The following TP63 variants were observed in gnomAD, a reference collection of about 807,000 sequenced individuals.
TP63 encodes the protein tumor protein 63.
TP63 carries 17 observed loss-of-function variants against 82.8 expected under a neutral mutation model. The observed-to-expected ratio is 0.21, with a 90% CI of 0.14 to 0.31. TP63 has a LOEUF of 0.31. Among genes scored for constraint, TP63 ranks in the 10% least tolerant of loss-of-function variants. The pLI is 1.00. For synonymous variants in TP63, 330 were observed against 321.7 expected (o/e 1.03, Z -0.28); for missense variants, 648 against 895.3 (o/e 0.72, Z 3.52).
intron 4 of TP63, among the ~76,000 whole-genome samples, chr3:189,831,710 A>AAGTG (rs1380435529): frequency 6.6e-6 from 1 of 151,580 alleles, no homozygotes; most frequent in African/African-American, 2.4e-5. Flanking sequence ...GAACACTGTA[A>AAGTG]TTAAAGTGGT....
intron 3 of TP63, among the ~76,000 whole-genome samples, chr3:189,756,900 T>C (rs1479635811): frequency 6.6e-6 from 1 of 152,118 alleles, no homozygotes; most frequent in African/African-American, 2.4e-5. Flanking sequence ...AGAAAGGGAT[T>C]TCAGCAGAAA....
intron 11 of TP63, among the ~76,000 whole-genome samples, chr3:189,886,979 C>T (rs892056244): frequency 8.6e-5 from 13 of 151,894 alleles, no homozygotes; most frequent in East Asian, 7.8e-4. Flanking sequence ...GAGGCCGAGG[C>T]GGGAGGATCA....
chr3:189,768,805 A>G (rs1723130500), intron 3 of TP63, among the ~76,000 whole-genome samples: 1 of 152,146 alleles, frequency 6.6e-6, no homozygotes, highest in Admixed American at 6.5e-5. Context: ...GATTAAATGA[A>G]TGTAACGGAT....
chr3:189,668,369 T>G (rs1405646120), intron 1 of TP63, among the ~76,000 whole-genome samples: 1 of 120,010 alleles, frequency 8.3e-6, no homozygotes, highest in African/African-American at 3.4e-5. Flanking sequence ...AAGGAAACTA[T>G]TGTTCATTTC....
rs552109446 is a variant in TP63 at position 189,805,157 on chromosome 3, A to C, written c.325-3115A>C. 9.9e-5 allele frequency among the ~76,000 whole-genome samples: 15 copies of C among 151,996 alleles called. No individual in the cohort carries two copies. In the South Asian group the frequency reaches 3.1e-3, roughly 32 times the overall value. On this transcript the variant is annotated intron_variant, in intron 3 of 13. Coordinates refer to ENST00000264731, the MANE Select transcript of TP63 (RefSeq NM_003722.5). Reference sequence around the variant, plus strand: ...TTCAGTCTTTCTATCATTCCAAAGGACTCTTGTGACTCCTCAGTAAATGGA... The same window carrying C: ...TTCAGTCTTTCTATCATTCCAAAGGCCTCTTGTGACTCCTCAGTAAATGGA...
At chr3:189,877,091 TC>T (rs1719316291) in intron 10 of TP63, among the ~76,000 whole-genome samples, 1 of 152,240 alleles carries the variant, frequency 6.6e-6, no homozygotes, top group Non-Finnish European at 1.5e-5. Context: ...TAAAAAAATT[TC>T]TTCGCGTTTA....
chr3:189,887,656 A>G (rs1720593649), intron 11 of TP63, among the ~76,000 whole-genome samples: 2 of 152,196 alleles, frequency 1.3e-5, no homozygotes, highest in Non-Finnish European at 2.9e-5. Flanking sequence ...ACCCTCGGGG[A>G]TACAGAAGAC....
At chr3:189,881,514 TTCTG>T in intron 10 of TP63, 1 of 985,358 alleles carries the variant, frequency 1.0e-6, no homozygotes, top group Non-Finnish European at 1.2e-6. Context: ...GTTTTTTTGT[TTCTG>T]TCTCTCTCAC....
intron 4 of TP63, among the ~76,000 whole-genome samples, chr3:189,809,970 T>C (rs1186450879): frequency 6.6e-6 from 1 of 152,232 alleles, no homozygotes; most frequent in Non-Finnish European, 1.5e-5. Flanking sequence ...TTGTATCCTT[T>C]CTTTCAACCA....
intron 3 of TP63, chr3:189,789,592 TA>T: frequency 8.2e-7 from 1 of 1,216,612 alleles, no homozygotes. Context: ...ATTGGACAGG[TA>T]AAGAGAAGAG....
chr3:189,706,538 G>A (rs1186040945), intron 1 of TP63, among the ~76,000 whole-genome samples: 1 of 152,154 alleles, frequency 6.6e-6, no homozygotes, highest in East Asian at 1.9e-4. Context: ...ACAGGTGTGA[G>A]CCACCGTGCC....
intron 6 of TP63, 26 bp downstream of exon 6, chr3:189,866,823 AAAC>A: frequency 6.3e-7 from 1 of 1,583,636 alleles, no homozygotes; most frequent in Non-Finnish European, 8.7e-7. Flanking sequence ...CCAAACCAAA[AAAC>A]AACACCTCTA....
chr3:189,609,099 G>T, the TP63 span, among the ~76,000 whole-genome samples: 1 of 151,988 alleles, frequency 6.6e-6, no homozygotes, highest in African/African-American at 2.4e-5. Context: ...ATTCACAACC[G>T]CTGTGGGCAA....
intron 5 of TP63, among the ~76,000 whole-genome samples, chr3:189,865,563 A>G (rs1024296014): frequency 9.2e-5 from 14 of 152,374 alleles, no homozygotes; most frequent in African/African-American, 3.4e-4. Flanking sequence ...GATACTTTAT[A>G]GAAAAAATAT....
chr3:189,896,886 C>T lies in TP63; in HGVS notation c.*2384C>T, dbSNP rs998558684. On this transcript the variant is annotated 3_prime_UTR_variant, in exon 14 of 14. Transcript: ENST00000264731. The stretch of plus-strand genomic sequence containing the variant: ...TAATGGAGTTCTTGTGGCCTCAGCT[C>T]AATGCAGTTAGCTGAAGAATTGAAA... 14 of 219,686 alleles carry T rather than the reference C, an allele frequency of 6.4e-5. No homozygotes were observed. The highest frequency in any genetic ancestry group is 4.6e-4 in the Admixed American group (8 of 17,330). The allele number at this position is 219,686 out of a possible 1,614,324, so 13.6% of individuals were successfully genotyped here.
chr3:189,794,306 G>C (rs1725468167), intron 3 of TP63, among the ~76,000 whole-genome samples: 1 of 152,000 alleles, frequency 6.6e-6, no homozygotes, highest in South Asian at 2.1e-4. Context: ...GTTCTTTGGG[G>C]GAATGAGCTA....
chr3:189,877,974 C>T (rs73199791), intron 10 of TP63, among the ~76,000 whole-genome samples: 3,179 of 151,960 alleles, frequency 0.021, 46 homozygotes, highest in Non-Finnish European at 0.034. Flanking sequence ...CTCAGCCTCC[C>T]GAGTAGCTGT....
At chr3:189,677,812 T>G (rs1431072080) in intron 1 of TP63, among the ~76,000 whole-genome samples, 1 of 152,150 alleles carries the variant, frequency 6.6e-6, no homozygotes, top group East Asian at 1.9e-4. Flanking sequence ...AGATGGTATC[T>G]CATTGTGGTT....
intron 1 of TP63, among the ~76,000 whole-genome samples, chr3:189,660,619 A>G (rs1713788855): frequency 6.6e-6 from 1 of 152,052 alleles, no homozygotes; most frequent in South Asian, 2.1e-4. Flanking sequence ...GTAGTTTGAT[A>G]AGGATAATGT....
Sources: allele counts gnomAD v4.1 joint callset (sites outside exome capture counted in the v4.1 genomes callset), GRCh38; gene constraint gnomAD v4.1.1; transcripts MANE v1.5; gene names NCBI Gene and HGNC (gene_info 2026-07-23, HGNC 2026-07-21).